Variants in TMPRSS15 observed in about 807,000 individuals in gnomAD.
TMPRSS15 encodes enteropeptidase.
A neutral mutation model predicts 125.3 loss-of-function variants in TMPRSS15; 128 were observed. That is an observed-to-expected ratio of 1.02 (90% CI 0.89 to 1.18). The LOEUF (loss-of-function observed/expected upper bound fraction) is 1.18. Ranked by LOEUF, TMPRSS15 falls within the 50% of genes most tolerant of loss-of-function variation. The probability of loss-of-function intolerance (pLI) is 0.00; values close to 1 mark genes in which losing one functional copy is unlikely to be tolerated. For synonymous variants in TMPRSS15, 446 were observed against 423.2 expected (o/e 1.05, Z -0.66); for missense variants, 1,283 against 1,212.7 (o/e 1.06, Z -0.86).
intron 1 of TMPRSS15, among the ~76,000 whole-genome samples, chr21:18,427,665 C>A (rs1193654056): frequency 6.6e-6 from 1 of 152,112 alleles, no homozygotes; most frequent in Non-Finnish European, 1.5e-5. Flanking sequence ...TCATTGTTTA[C>A]CTAAGAAATA....
intron 1 of TMPRSS15, among the ~76,000 whole-genome samples, chr21:18,462,383 G>T (rs1374953872): frequency 4.6e-5 from 7 of 151,862 alleles, no homozygotes; most frequent in Admixed American, 4.6e-4. Flanking sequence ...TGGAATTGCT[G>T]TTTTTTTAAC....
chr21:18,391,290 C>T (rs2063639032), intron 3 of TMPRSS15, among the ~76,000 whole-genome samples: 1 of 152,226 alleles, frequency 6.6e-6, no homozygotes, highest in Non-Finnish European at 1.5e-5. Context: ...CTAGACAAGG[C>T]TCTTCTGCCT....
intron 11 of TMPRSS15, 81 bp downstream of exon 11, chr21:18,343,874 T>G (rs1426323056): frequency 1.5e-6 from 2 of 1,364,604 alleles, no homozygotes; most frequent in Admixed American, 3.4e-5. Flanking sequence ...AACATCTTAG[T>G]GAAATATGAG....
chr21:18,306,045 A>C (rs533012721), intron 18 of TMPRSS15, among the ~76,000 whole-genome samples: 2 of 152,176 alleles, frequency 1.3e-5, no homozygotes, highest in Non-Finnish European at 2.9e-5. Context: ...CAAATCAAAA[A>C]ATTTTAAAAA....
chr21:18,275,109 C>G lies in TMPRSS15; in HGVS notation c.2904+88G>C. 3.3e-6 allele frequency: 5 copies of G among 1,520,486 alleles called. 1 individual carries two copies. The South Asian group carries it at 5.7e-5, about 17-fold the overall frequency. The allele number at this position is 1,520,486 out of a possible 1,614,324, so 94.2% of individuals were successfully genotyped here. On this transcript the variant is annotated intron_variant, in intron 24 of 24. Coordinates refer to ENST00000284885, the MANE Select transcript of TMPRSS15 (RefSeq NM_002772.3). ...AAAGAGAAATGAAAGAAGCTTATTTCTTTACTCCCTAATTATTGTTAAGCA... is the reference window on the plus strand; with the variant it reads ...AAAGAGAAATGAAAGAAGCTTATTTGTTTACTCCCTAATTATTGTTAAGCA...
At chr21:18,359,399 C>A (rs981020904) in intron 8 of TMPRSS15, among the ~76,000 whole-genome samples, 1 of 151,934 alleles carries the variant, frequency 6.6e-6, no homozygotes, top group African/African-American at 2.4e-5. Context: ...TTATAACCTA[C>A]GCAATGCAGA....
chr21:18,288,011 G>T (rs1357606971), intron 21 of TMPRSS15, among the ~76,000 whole-genome samples: 1 of 152,014 alleles, frequency 6.6e-6, no homozygotes, highest in Non-Finnish European at 1.5e-5. Context: ...AGAAATCAGT[G>T]TATCAAAAAG....
At chr21:18,445,150 G>GTA (rs141702054) in intron 1 of TMPRSS15, among the ~76,000 whole-genome samples, 2,225 of 148,700 alleles carry the variant, frequency 0.015, 46 homozygotes, top group African/African-American at 0.049. Context: ...GTACTCCATT[G>GTA]TATATATATA....
At chr21:18,403,891 A>T (rs1041511459), upstream of TMPRSS15, among the ~76,000 whole-genome samples, 11 of 152,222 alleles carry the variant, frequency 7.2e-5, no homozygotes, top group African/African-American at 2.7e-4. Context: ...CTACCTGAAC[A>T]GGCCATTTGC....
chr21:18,332,115 G>A lies in TMPRSS15; in HGVS notation c.1623C>T (p.Asn541=). 1 of 1,614,078 alleles carries A rather than the reference G, an allele frequency of 6.2e-7. No homozygotes were observed. ...WEPNTTFSST[N]FPNSYPNLAF... is the part of the protein sequence containing the mutation. ...CCAGATTAGGGTAGCTGTTTGGAAA[G>A]TTCGTAGAACTGAATGTTGTATTTG... The change falls in exon 14 of 25, where the codon AAC becomes AAT. Residue 541 remains asparagine (N), a synonymous_variant. Transcript: ENST00000284885.
chr21:18,430,187 T>A (rs1264383605), intron 1 of TMPRSS15, among the ~76,000 whole-genome samples: 2 of 152,234 alleles, frequency 1.3e-5, no homozygotes, highest in Non-Finnish European at 2.9e-5. Flanking sequence ...CACTGTTAGA[T>A]GTGTATCAAT....
chr21:18,475,924 T>C (rs1433689412), intron 1 of TMPRSS15, among the ~76,000 whole-genome samples: 1 of 152,204 alleles, frequency 6.6e-6, no homozygotes, highest in Non-Finnish European at 1.5e-5. Flanking sequence ...TGTCCTTATC[T>C]ACATTTATTA....
At chr21:18,340,590 G>A (rs1349443075) in intron 13 of TMPRSS15, among the ~76,000 whole-genome samples, 3 of 151,994 alleles carry the variant, frequency 2.0e-5, no homozygotes, top group East Asian at 1.9e-4. Context: ...GACTAATACC[G>A]CCACTATTTA....
chr21:18,448,090 T>C (rs2076259417), intron 1 of TMPRSS15, among the ~76,000 whole-genome samples: 1 of 152,168 alleles, frequency 6.6e-6, no homozygotes, highest in African/African-American at 2.4e-5. Context: ...AAATACCATA[T>C]GATCCAGTAA....
chr21:18,478,964 G>C (rs1048030239), intron 1 of TMPRSS15, among the ~76,000 whole-genome samples: 1 of 151,866 alleles, frequency 6.6e-6, no homozygotes, highest in Admixed American at 6.6e-5. Flanking sequence ...AAATACTTGA[G>C]AACAGAACTC....
chr21:18,479,889 T>C lies in TMPRSS15; in HGVS notation c.10+5910A>G, dbSNP rs139751123. 6.6e-5 allele frequency among the ~76,000 whole-genome samples: 10 copies of C among 152,172 alleles called. No individual in the cohort carries two copies. In the East Asian group the frequency reaches 1.9e-3, roughly 29 times the overall value. On this transcript the variant is annotated intron_variant, in intron 1 of 7. Transcript: ENST00000422787. ...TTGACCCAGCAATCACATTACTGGGTATATACCCAAAGGATGATAAATCAT... is the reference window on the plus strand; with the variant it reads ...TTGACCCAGCAATCACATTACTGGGCATATACCCAAAGGATGATAAATCAT...
At chr21:18,388,118 C>T (rs999603032) in intron 3 of TMPRSS15, among the ~76,000 whole-genome samples, 27 of 152,064 alleles carry the variant, frequency 1.8e-4, no homozygotes, top group African/African-American at 5.6e-4. Flanking sequence ...ATCTAACAGA[C>T]GTTTTTATGA....
At chr21:18,318,512 T>C (rs2075197831) in intron 16 of TMPRSS15, among the ~76,000 whole-genome samples, 1 of 152,186 alleles carries the variant, frequency 6.6e-6, no homozygotes, top group African/African-American at 2.4e-5. Context: ...AAGACAATAT[T>C]TCCACCCTCC....
intron 1 of TMPRSS15, among the ~76,000 whole-genome samples, chr21:18,450,208 T>A (rs1416668998): frequency 6.6e-6 from 1 of 152,212 alleles, no homozygotes; most frequent in East Asian, 1.9e-4. Context: ...TTCATATTTT[T>A]ATTGCTTGTG....
Sources: gnomAD v4.1 joint callset for allele counts (sites outside exome capture counted in the v4.1 genomes callset) on GRCh38, gnomAD v4.1.1 for gene constraint, MANE v1.5 for transcripts, NCBI Gene and HGNC (gene_info 2026-07-23, HGNC 2026-07-21) for gene names.